The following SPAG9 variants were observed in gnomAD, a reference collection of about 807,000 sequenced individuals.
SPAG9 encodes sperm associated antigen 9, also known as C-Jun-amino-terminal kinase-interacting protein 4.
Under a neutral mutation model 166.5 loss-of-function variants are expected in SPAG9, and 35 were observed. That is an observed-to-expected ratio of 0.21 (90% CI 0.16 to 0.28). The LOEUF is 0.28. Among genes scored for constraint, SPAG9 ranks in the 10% least tolerant of loss-of-function variants. SPAG9 has a pLI of 1.00. For synonymous variants in SPAG9, 534 were observed against 565.5 expected (o/e 0.94, Z 0.79); for missense variants, 1,235 against 1,603.3 (o/e 0.77, Z 3.92).
intron 26 of SPAG9, among the ~76,000 whole-genome samples, chr17:50,978,526 A>G (rs1974352698): frequency 6.6e-6 from 1 of 152,190 alleles, no homozygotes; most frequent in African/African-American, 2.4e-5. Context: ...ATGGTCCCTG[A>G]TCTTCACGGG....
At chr17:51,012,525 G>A (rs1011781896) in intron 9 of SPAG9, among the ~76,000 whole-genome samples, 51 of 150,884 alleles carry the variant, frequency 3.4e-4, no homozygotes, top group Non-Finnish European at 1.9e-4. Context: ...AGCCAAGATC[G>A]CACCACGGCA....
At chr17:51,043,390 T>C (rs926392514) in intron 4 of SPAG9, among the ~76,000 whole-genome samples, 27 of 152,216 alleles carry the variant, frequency 1.8e-4, no homozygotes, top group Non-Finnish European at 3.4e-4. Context: ...GATAATATAG[T>C]ACCTATTGTA....
At chr17:51,036,455 A>C (rs2046586609) in intron 5 of SPAG9, among the ~76,000 whole-genome samples, 1 of 151,984 alleles carries the variant, frequency 6.6e-6, no homozygotes, top group African/African-American at 2.4e-5. Context: ...TTCAGCGCTC[A>C]AGTCTCTTAC....
intron 1 of SPAG9, among the ~76,000 whole-genome samples, chr17:51,097,894 C>T (rs913013043): frequency 6.6e-6 from 1 of 152,254 alleles, no homozygotes; most frequent in Non-Finnish European, 1.5e-5. Flanking sequence ...ACCTTCAGGG[C>T]TCACTGCAAC....
chr17:51,083,865 C>G (rs1455842733), intron 1 of SPAG9, among the ~76,000 whole-genome samples: 5 of 152,068 alleles, frequency 3.3e-5, no homozygotes, highest in African/African-American at 4.8e-5. Context: ...TCAAATGCCA[C>G]CTATTTTTCT....
chr17:51,047,827 T>C (rs977952993), intron 3 of SPAG9, among the ~76,000 whole-genome samples: 11 of 151,526 alleles, frequency 7.3e-5, no homozygotes, highest in Non-Finnish European at 1.5e-4. Context: ...TGGTTAAAAA[T>C]AATAGATGGC....
chr17:51,115,965 A>C (rs17651875), intron 1 of SPAG9, among the ~76,000 whole-genome samples: 37,210 of 152,190 alleles, frequency 0.24, 5,271 homozygotes, highest in Admixed American at 0.34. Context: ...TGATAACATA[A>C]AAGACCCACA....
chr17:51,114,488 G>A (rs568489848), intron 1 of SPAG9, among the ~76,000 whole-genome samples: 1 of 152,012 alleles, frequency 6.6e-6, no homozygotes, highest in African/African-American at 2.4e-5. Flanking sequence ...AAAGTAGCTG[G>A]GCATGGTGGC....
chr17:51,002,847 T>C (rs921372359), intron 12 of SPAG9, among the ~76,000 whole-genome samples: 2 of 151,990 alleles, frequency 1.3e-5, no homozygotes, highest in Non-Finnish European at 2.9e-5. Context: ...TCCTAGCACT[T>C]TGGGAGTATC....
chr17:50,995,371 T>C (rs750786166), intron 17 of SPAG9, 73 bp downstream of exon 17: 47 of 1,358,286 alleles, frequency 3.5e-5, no homozygotes, highest in Middle Eastern at 1.9e-4. Context: ...GTAATACTTA[T>C]ACTTTTTTGG....
chr17:50,995,373 C>T, intron 17 of SPAG9, 71 bp downstream of exon 17: 1 of 1,374,398 alleles, frequency 7.3e-7, no homozygotes, highest in East Asian at 2.3e-5. Context: ...AATACTTATA[C>T]TTTTTTGGTT....
intron 10 of SPAG9, 149 bp from the exon 11 acceptor site, chr17:51,006,386 C>A: frequency 5.7e-6 from 4 of 703,826 alleles, no homozygotes; most frequent in South Asian, 4.7e-5. Context: ...TAGATAAATG[C>A]AAAAAGAACA....
At chr17:51,068,686 C>T (rs1338943028) in intron 2 of SPAG9, among the ~76,000 whole-genome samples, 1 of 152,202 alleles carries the variant, frequency 6.6e-6, no homozygotes, top group Non-Finnish European at 1.5e-5. Context: ...TGCTACACTC[C>T]TTATCCATCC....
chr17:50,996,492 T>C, intron 16 of SPAG9, 73 bp downstream of exon 16: 1 of 1,557,618 alleles, frequency 6.4e-7, no homozygotes, highest in Non-Finnish European at 8.8e-7. Context: ...GTACAGTGAA[T>C]CCTTCATGCC....
Position 50,999,877 on chromosome 17 carries a change from C to G in SPAG9, c.1608-160G>C, listed in dbSNP as rs2044854207. Reference sequence around the variant, plus strand: ...TTACTTTGACCTACCATGTGTCAGTCAATCTGCTAAAGATTGACTTTAATT... The same window carrying G: ...TTACTTTGACCTACCATGTGTCAGTGAATCTGCTAAAGATTGACTTTAATT... On this transcript the variant is annotated intron_variant, in intron 13 of 29. Coordinates refer to ENST00000262013, the MANE Select transcript of SPAG9 (RefSeq NM_001130528.3). Among the ~76,000 whole-genome samples the G allele has an allele frequency of 2.0e-5, 3 of 152,250 alleles. No homozygotes were observed. The South Asian group carries it at 6.2e-4, about 32-fold the overall frequency.
At chr17:50,983,274 C>T (rs1974790357) in intron 24 of SPAG9, among the ~76,000 whole-genome samples, 3 of 152,216 alleles carry the variant, frequency 2.0e-5, no homozygotes, top group Admixed American at 1.3e-4. Context: ...TGTATGTAAT[C>T]ACCCACTCGT....
rs368365879 is a variant in SPAG9 at position 50,990,399 on chromosome 17, G to C, written c.2617+51C>G. 9.9e-6 allele frequency: 13 copies of C among 1,307,788 alleles called. No homozygotes were observed. In the African/African-American group the frequency reaches 1.3e-4, roughly 13 times the overall value. The allele number at this position is 1,307,788 out of a possible 1,614,324, so 81.0% of individuals were successfully genotyped here. The stretch of plus-strand genomic sequence containing the variant: ...AAATTAAGTCCATAATGAGGCATCT[G>C]AGTGTAGCCTTAGACTCTATACAGA... On this transcript the variant is annotated intron_variant, in intron 20 of 29. Coordinates refer to ENST00000262013, the MANE Select transcript of SPAG9 (RefSeq NM_001130528.3).
chr17:50,985,040 G>C, intron 23 of SPAG9, 50 bp from the exon 24 acceptor site: 1 of 1,521,788 alleles, frequency 6.6e-7, no homozygotes, highest in Non-Finnish European at 9.1e-7. Flanking sequence ...GAATACAGAA[G>C]GGACCACATG....
chr17:51,108,550 G>A (rs1358338655), intron 1 of SPAG9, among the ~76,000 whole-genome samples: 1 of 152,108 alleles, frequency 6.6e-6, no homozygotes, highest in Non-Finnish European at 1.5e-5. Context: ...GTGCCAGAGT[G>A]CAGTGGCACA....
Sources: allele counts gnomAD v4.1 joint callset (sites outside exome capture counted in the v4.1 genomes callset), GRCh38; gene constraint gnomAD v4.1.1; transcripts MANE v1.5; gene names NCBI Gene and HGNC (gene_info 2026-07-23, HGNC 2026-07-21).